Variants in PYROXD2 observed in about 807,000 individuals in gnomAD.
The protein encoded by PYROXD2 is pyridine nucleotide-disulphide oxidoreductase domain 2.
A neutral mutation model predicts 71.1 loss-of-function variants in PYROXD2; 69 were observed. That is an observed-to-expected ratio of 0.97 (90% CI 0.80 to 1.19). The LOEUF is 1.19. Among genes scored for constraint, PYROXD2 ranks in the 50% most tolerant of loss-of-function variants. The pLI is 0.00. For synonymous variants in PYROXD2, 287 were observed against 302.7 expected, an observed-to-expected ratio of 0.95 and a Z score of 0.54; for missense variants, 745 against 748.9, an observed-to-expected ratio of 0.99 and a Z score of 0.06.
At chr10:98,390,909 C>A in intron 11 of PYROXD2, 101 bp downstream of exon 11, 1 of 1,345,482 alleles carries the variant, frequency 7.4e-7, no homozygotes, top group Non-Finnish European at 1.1e-6. Context: ...GCTGGAGGTC[C>A]GGGAATGGAG....
At chr10:98,397,769 C>G (rs1843242018) in intron 5 of PYROXD2, among the ~76,000 whole-genome samples, 1 of 152,054 alleles carries the variant, frequency 6.6e-6, no homozygotes, top group Non-Finnish European at 1.5e-5. Flanking sequence ...GGAGCTAATG[C>G]TGGCTAACAC....
chr10:98,391,215 A>C (rs1590939351), intron 10 of PYROXD2, 133 bp from the exon 11 acceptor site: 1 of 670,646 alleles, frequency 1.5e-6, no homozygotes, highest in Non-Finnish European at 2.7e-6. Context: ...CTCAGCCAAA[A>C]CCACCTCCCC....
At position 98,388,773 on chromosome 10, in the gene PYROXD2, A is replaced by C. The variant is rs145054109; in HGVS notation, c.1293-265T>G. On this transcript the variant is annotated intron_variant, in intron 12 of 15. Transcript: ENST00000370575. ...CTTCATCACACGCTGTGCTCTAACCACAGCTCCCAAACGCAAATGTCTCGA... is the reference window on the plus strand; with the variant it reads ...CTTCATCACACGCTGTGCTCTAACCCCAGCTCCCAAACGCAAATGTCTCGA... Among the ~76,000 whole-genome samples, 360 of 151,876 alleles carry C rather than the reference A, an allele frequency of 2.4e-3. 2 individuals carry two copies. Among genetic ancestry groups the C allele is most frequent in the Non-Finnish European group, 4.5e-3 (309 of 67,948 alleles).
intron 4 of PYROXD2, among the ~76,000 whole-genome samples, chr10:98,401,922 CT>C (rs1322612086): frequency 6.6e-6 from 1 of 152,156 alleles, no homozygotes; most frequent in Non-Finnish European, 1.5e-5. Context: ...AAAAGGAATA[CT>C]CTCTAAAATA....
chr10:98,401,796 G>C (rs1843420822), intron 4 of PYROXD2, among the ~76,000 whole-genome samples: 1 of 152,028 alleles, frequency 6.6e-6, no homozygotes, highest in Admixed American at 6.6e-5. Flanking sequence ...CCCACTGCAG[G>C]GTCTTCAGGG....
intron 8 of PYROXD2, among the ~76,000 whole-genome samples, chr10:98,394,324 G>C (rs1474156805): frequency 6.6e-6 from 1 of 152,258 alleles, no homozygotes; most frequent in Non-Finnish European, 1.5e-5. Flanking sequence ...TTGGCTGGTA[G>C]ATCACAGCTT....
chr10:98,390,841 G>A, intron 11 of PYROXD2, 87 bp from the exon 12 acceptor site: 2 of 1,503,112 alleles, frequency 1.3e-6, no homozygotes, highest in Non-Finnish European at 9.1e-7. Context: ...GTGGCGGACG[G>A]GAGTAGGAAA....
chr10:98,400,314 C>G (rs1843349956), intron 4 of PYROXD2, 57 bp from the exon 5 acceptor site: 6 of 1,508,796 alleles, frequency 4.0e-6, no homozygotes, highest in Non-Finnish European at 5.4e-6. Flanking sequence ...CTCTGCCCAT[C>G]ATCTTTCTCC....
At position 98,388,425 on chromosome 10, in the gene PYROXD2, T is replaced by A; in HGVS notation, c.1376A>T (p.Gln459Leu). The A allele has an allele frequency of 6.2e-7, 1 of 1,613,350 alleles. No individual in the cohort carries two copies. The highest frequency in any genetic ancestry group is 8.5e-7 in the Non-Finnish European group (1 of 1,179,834). The stretch of plus-strand genomic sequence containing the variant: ...TCCAGCCAGCGTATAGGGCATGTAC[T>A]GAGTGAAGAGGGAGACTACATGGCA... Reference protein sequence around the residue: ...PGCHVVSLFTQYMPYTLAGGK... With the variant: ...PGCHVVSLFTLYMPYTLAGGK... Residue 459 changes from glutamine to leucine, a missense_variant, in exon 13 of 16, where the codon CAG (glutamine) becomes CTG (leucine). Gln to Leu is a moderately radical substitution (Grantham distance 113). Transcript: ENST00000370575.
chr10:98,407,286 GC>G (rs1461282502), intron 4 of PYROXD2, among the ~76,000 whole-genome samples: 2 of 152,228 alleles, frequency 1.3e-5, no homozygotes, highest in Non-Finnish European at 2.9e-5. Context: ...AAGCTCAGGC[GC>G]CCAAGGCTTC....
At chr10:98,390,911 G>T in intron 11 of PYROXD2, 99 bp downstream of exon 11, 1 of 1,344,058 alleles carries the variant, frequency 7.4e-7, no homozygotes. Context: ...TGGAGGTCCG[G>T]GAATGGAGAT....
In PYROXD2 at chr10:98,407,572, G is replaced by A. The variant is rs1486022998; in HGVS notation, c.315+10C>T. On this transcript the variant is annotated intron_variant, in intron 4 of 15. Transcript: ENST00000370575. ...CCCTCCGTGCAATCGGGCCGGCGGGGGGGCCCTACCTTCAGCTCCAGATCA... is the reference window on the plus strand; with the variant it reads ...CCCTCCGTGCAATCGGGCCGGCGGGAGGGCCCTACCTTCAGCTCCAGATCA... The A allele has an allele frequency of 6.2e-7, 1 of 1,613,328 alleles. No homozygotes were observed. Among genetic ancestry groups the A allele is most frequent in the African/African-American group, 1.3e-5 (1 of 74,912 alleles).
chr10:98,395,584 G>GA, intron 6 of PYROXD2, 132 bp from the exon 7 acceptor site: 2 of 743,354 alleles, frequency 2.7e-6, no homozygotes, highest in East Asian at 5.2e-5. Flanking sequence ...GCCAATGCAG[G>GA]GACAGATCCA....
At chr10:98,414,013 TTAAAA>T (rs1340130176) in intron 1 of PYROXD2, 2 of 152,226 alleles carry the variant, frequency 1.3e-5, no homozygotes, top group African/African-American at 4.8e-5. Context: ...ATTTCAATAT[TTAAAA>T]TAAGCATGTG....
rs11189598 is a variant in PYROXD2 at position 98,410,796 on chromosome 10, G to T, written c.147+143C>A. On this transcript the variant is annotated intron_variant, in intron 2 of 15. Transcript: ENST00000370575. ...TTCGACCCAGCCCCCAGTCAGCACT[G>T]GAGAGCAGAGAGCATCGACTAGGCT... 1,111 of 1,263,598 alleles carry T rather than the reference G, an allele frequency of 8.8e-4. 6 individuals are homozygous for T. In the African/African-American group the frequency reaches 0.013, roughly 15 times the overall value. 78.3% of individuals were successfully genotyped at this position (1,263,598 alleles called of 1,614,324 possible). A position where few individuals can be genotyped will look rare whatever the true frequency, so the allele number is the denominator to read the frequency against.
At chr10:98,409,023 T>C (rs1442094181) in intron 2 of PYROXD2, among the ~76,000 whole-genome samples, 2 of 152,162 alleles carry the variant, frequency 1.3e-5, no homozygotes, top group Non-Finnish European at 2.9e-5. Flanking sequence ...CCTCCTAACA[T>C]AACCTCCTAT....
chr10:98,410,913 G>A (rs1200332417), intron 2 of PYROXD2, 26 bp downstream of exon 2: 43 of 1,560,492 alleles, frequency 2.8e-5, no homozygotes, highest in Non-Finnish European at 3.7e-5. Flanking sequence ...GGCCAGTGAA[G>A]TGGGATCAAG....
At chr10:98,411,127 TCCATGAAACAC>T (rs1416930954) in intron 1 of PYROXD2, 169 bp from the exon 2 acceptor site, 1 of 879,894 alleles carries the variant, frequency 1.1e-6, no homozygotes, top group Non-Finnish European at 1.7e-6. Context: ...CTAGTTCAAC[TCCATGAAACAC>T]CAGATCTTCA....
rs1843558290 is a variant in PYROXD2, at chr10:98,405,271, G to A, written c.315+2311C>T. On this transcript the variant is annotated intron_variant, in intron 4 of 15. Transcript: ENST00000370575. Reference sequence around the variant, plus strand: ...TGGAAACTAACACCCAGGAAGGGGAGGCAGGCCCTGGTGGGGACCACAGCG... The same window carrying A: ...TGGAAACTAACACCCAGGAAGGGGAAGCAGGCCCTGGTGGGGACCACAGCG... 3.3e-5 allele frequency among the ~76,000 whole-genome samples: 5 copies of A among 152,342 alleles called. No homozygotes were observed. In the South Asian group the frequency reaches 1.0e-3, roughly 32 times the overall value.
Sources: gnomAD v4.1 joint callset for allele counts (sites outside exome capture counted in the v4.1 genomes callset) on GRCh38, gnomAD v4.1.1 for gene constraint, MANE v1.5 for transcripts, NCBI Gene and HGNC (gene_info 2026-07-23, HGNC 2026-07-21) for gene names.